MYOCD: variants seen among roughly 807,000 people sequenced by gnomAD.
MYOCD encodes the protein myocardin.
In MYOCD, 32 loss-of-function variants were observed where a neutral mutation model predicts 96.1. That is an observed-to-expected ratio of 0.33 (90% CI 0.25 to 0.45). The LOEUF is 0.45. Among genes scored for constraint, MYOCD ranks in the 20% least tolerant of loss-of-function variants. The pLI, the probability that MYOCD is intolerant of heterozygous loss-of-function variation, is 1.00. For missense variants in MYOCD, 1,133 were observed against 1,200.6 expected (o/e 0.94, Z 0.83); for synonymous variants, 469 against 469.0 (o/e 1.00, Z 0.00).
chr17:12,687,604 C>T (rs1039036679), intron 1 of MYOCD, among the ~76,000 whole-genome samples: 2 of 152,070 alleles, frequency 1.3e-5, no homozygotes, highest in African/African-American at 4.8e-5. Flanking sequence ...TAAACAGAAA[C>T]CATTTTATCA....
At chr17:12,668,286 C>T (rs574657266) in intron 1 of MYOCD, among the ~76,000 whole-genome samples, 4 of 152,302 alleles carry the variant, frequency 2.6e-5, no homozygotes, top group East Asian at 3.9e-4. Flanking sequence ...AAAAGCAACT[C>T]AAACAGTAAA....
chr17:12,705,074 A>G, intron 1 of MYOCD, 54 bp from the exon 2 acceptor site: 1 of 1,078,556 alleles, frequency 9.3e-7, no homozygotes, highest in Non-Finnish European at 1.4e-6. Context: ...ATGAAAATAT[A>G]ATGATTGTAA....
In MYOCD at chr17:12,725,298, G is replaced by T. The variant is rs1597784198; in HGVS notation, c.415+2290G>T. Among the ~76,000 whole-genome samples the T allele has an allele frequency of 6.0e-5, 9 of 150,708 alleles. No homozygotes were observed. The South Asian group carries it at 1.7e-3, about 28-fold the overall frequency. On this transcript the variant is annotated intron_variant, in intron 5 of 13. Transcript: ENST00000425538. ...ACAACAACATGATTAGCATATTATA[G>T]AATTAATATATTTTCTAAAAATCTA...
In MYOCD at chr17:12,753,325, C is replaced by T. The variant is rs1212602817; in HGVS notation, c.2037C>T (p.Ser679=). 1 of 1,604,118 alleles carries T rather than the reference C, an allele frequency of 6.2e-7. No individual in the cohort carries two copies. The highest frequency in any genetic ancestry group is 8.5e-7 in the Non-Finnish European group (1 of 1,175,260). Residue 679 remains serine, a synonymous_variant, in exon 10 of 14, where the codon AGC becomes AGT. Coordinates refer to ENST00000425538, the MANE Select transcript of MYOCD (RefSeq NM_001146312.3). ...GEGHRVSSPI[S]SQVCTAQNSG... is the part of the protein sequence containing the mutation. The stretch of plus-strand genomic sequence containing the variant: ...GGCACAGGGTCTCCTCGCCCATCAG[C>T]AGCCAGGTGTGCACTGCACAGGTAA...
At chr17:12,738,368 A>C (rs905582191) in intron 6 of MYOCD, among the ~76,000 whole-genome samples, 9 of 152,158 alleles carry the variant, frequency 5.9e-5, no homozygotes, top group Non-Finnish European at 1.0e-4. Context: ...GGAATATAGG[A>C]GAGAAAGAGA....
chr17:12,711,516 T>G (rs2031479160), intron 2 of MYOCD, among the ~76,000 whole-genome samples: 1 of 152,198 alleles, frequency 6.6e-6, no homozygotes, highest in South Asian at 2.1e-4. Flanking sequence ...TAATTTTATG[T>G]TTTTGAGTTA....
chr17:12,674,205 G>C (rs1353559054), intron 1 of MYOCD, among the ~76,000 whole-genome samples: 1 of 152,130 alleles, frequency 6.6e-6, no homozygotes, highest in African/African-American at 2.4e-5. Context: ...ACTGTCCCAT[G>C]ATGATTATCT....
chr17:12,745,612 A>G (rs2032640609), intron 8 of MYOCD, among the ~76,000 whole-genome samples: 1 of 152,282 alleles, frequency 6.6e-6, no homozygotes, highest in South Asian at 2.1e-4. Context: ...TGAGCACTAA[A>G]CGCAACCAAG....
intron 1 of MYOCD, among the ~76,000 whole-genome samples, chr17:12,699,335 G>A (rs1346205681): frequency 1.3e-5 from 2 of 151,518 alleles, no homozygotes; most frequent in Non-Finnish European, 2.9e-5. Context: ...ATTTTGGCCA[G>A]GCTGCTCTTG....
chr17:12,703,058 TA>T (rs1290433181), intron 1 of MYOCD, among the ~76,000 whole-genome samples: 1 of 152,050 alleles, frequency 6.6e-6, no homozygotes, highest in Non-Finnish European at 1.5e-5. Flanking sequence ...GAAATTATAT[TA>T]TTTTTTCTTT....
intron 4 of MYOCD, chr17:12,720,394 C>T (rs897312068): frequency 3.9e-5 from 6 of 152,054 alleles, no homozygotes; most frequent in Admixed American, 2.0e-4. Flanking sequence ...CTAAACCTTC[C>T]GCTCCTAAAC....
intron 2 of MYOCD, among the ~76,000 whole-genome samples, chr17:12,709,820 TTCA>T: frequency 1.3e-5 from 2 of 152,264 alleles, no homozygotes; most frequent in East Asian, 3.9e-4. Flanking sequence ...ATTGGGCCTG[TTCA>T]TCATTTCTTA....
intron 5 of MYOCD, among the ~76,000 whole-genome samples, chr17:12,727,930 G>A (rs932152436): frequency 1.3e-5 from 2 of 152,086 alleles, no homozygotes; most frequent in African/African-American, 4.8e-5. Context: ...CAGTTTCCAG[G>A]TGGAGGGAAA....
At chr17:12,748,068 G>A (rs1310450806) in intron 9 of MYOCD, among the ~76,000 whole-genome samples, 3 of 150,658 alleles carry the variant, frequency 2.0e-5, no homozygotes, top group Non-Finnish European at 4.4e-5. Flanking sequence ...AGGCTGAGGC[G>A]GGAGAATCGC....
intron 1 of MYOCD, among the ~76,000 whole-genome samples, chr17:12,668,550 A>G (rs1909497573): frequency 6.6e-6 from 1 of 152,086 alleles, no homozygotes; most frequent in Non-Finnish European, 1.5e-5. Context: ...ATTAAGGACA[A>G]AATTGTGCTA....
intron 2 of MYOCD, among the ~76,000 whole-genome samples, chr17:12,709,779 G>T (rs771983932): frequency 6.6e-6 from 1 of 152,120 alleles, no homozygotes; most frequent in Non-Finnish European, 1.5e-5. Flanking sequence ...CGTGGCATTA[G>T]GACAGAGAGT....
At chr17:12,751,200 CAT>C (rs1314105438) in intron 9 of MYOCD, among the ~76,000 whole-genome samples, 3 of 151,950 alleles carry the variant, frequency 2.0e-5, no homozygotes, top group Non-Finnish European at 2.9e-5. Context: ...ATATTTAGAA[CAT>C]ACAGATAAGG....
intron 1 of MYOCD, among the ~76,000 whole-genome samples, chr17:12,680,912 C>G (rs1910419917): frequency 6.6e-6 from 1 of 152,096 alleles, no homozygotes; most frequent in Non-Finnish European, 1.5e-5. Context: ...TTCCCTACAC[C>G]CCAATAGAGC....
chr17:12,728,772 C>A (rs2032077739), intron 5 of MYOCD, among the ~76,000 whole-genome samples: 1 of 152,192 alleles, frequency 6.6e-6, no homozygotes, highest in Admixed American at 6.5e-5. Flanking sequence ...AGCCACCGTG[C>A]CCAGCCAGTC....
Sources: gnomAD v4.1 joint callset for allele counts (sites outside exome capture counted in the v4.1 genomes callset) on GRCh38, gnomAD v4.1.1 for gene constraint, MANE v1.5 for transcripts, NCBI Gene and HGNC (gene_info 2026-07-23, HGNC 2026-07-21) for gene names.